Variants in HDAC9 observed in about 807,000 individuals in gnomAD.
HDAC9 encodes MEF-2 interacting transcription repressor (MITR) protein.
Under a neutral mutation model 139.4 loss-of-function variants are expected in HDAC9, and 41 were observed. The observed-to-expected ratio is 0.29, with a 90% CI of 0.23 to 0.38. The LOEUF (loss-of-function observed/expected upper bound fraction) is 0.38, where lower values mean the gene tolerates loss of function less well. Among genes scored for constraint, HDAC9 ranks in the 10% least tolerant of loss-of-function variants. HDAC9 has a pLI of 1.00. For missense variants in HDAC9, 1,147 were observed against 1,297.0 expected (o/e 0.88, Z 1.78); for synonymous variants, 517 against 476.2 (o/e 1.09, Z -1.12).
chr7:18,143,811 G>T (rs1284182017), intron 1 of HDAC9, among the ~76,000 whole-genome samples: 1 of 149,168 alleles, frequency 6.7e-6, no homozygotes, highest in Non-Finnish European at 1.5e-5. Flanking sequence ...AAAAAAGAGT[G>T]TCTCTTTTTA....
chr7:18,193,203 C>T (rs569560452), intron 2 of HDAC9, among the ~76,000 whole-genome samples: 7 of 152,182 alleles, frequency 4.6e-5, no homozygotes, highest in African/African-American at 1.7e-4. Flanking sequence ...GGGAAAAGAA[C>T]AGAATATTTA....
rs546997159 is a variant in HDAC9, at chr7:18,920,837, A to G, written c.2804-14972A>G. 3.9e-5 allele frequency among the ~76,000 whole-genome samples: 6 copies of G among 152,198 alleles called. No individual in the cohort carries two copies. The South Asian group carries it at 1.2e-3, about 32-fold the overall frequency. ...GTTGAACCAGCCTTGTATACCAGGGATGAAGCCCACTTGATCATGGTGGAT... is the reference window on the plus strand; with the variant it reads ...GTTGAACCAGCCTTGTATACCAGGGGTGAAGCCCACTTGATCATGGTGGAT... On this transcript the variant is annotated intron_variant, in intron 22 of 25. Coordinates refer to ENST00000686413, the MANE Select transcript of HDAC9 (RefSeq NM_178425.4).
chr7:18,532,423 C>A (rs1376519966), intron 2 of HDAC9, among the ~76,000 whole-genome samples: 1 of 152,112 alleles, frequency 6.6e-6, no homozygotes, highest in African/African-American at 2.4e-5. Flanking sequence ...TTTCTGGATA[C>A]AGGGATGGGA....
intron 12 of HDAC9, among the ~76,000 whole-genome samples, chr7:18,716,143 T>C (rs1162576921): frequency 6.6e-6 from 1 of 152,184 alleles, no homozygotes; most frequent in Non-Finnish European, 1.5e-5. Context: ...CAGGCTATTA[T>C]CTCTAGACCA....
chr7:18,599,796 A>G (rs1330691872), intron 6 of HDAC9, among the ~76,000 whole-genome samples: 1 of 152,124 alleles, frequency 6.6e-6, no homozygotes, highest in African/African-American at 2.4e-5. Context: ...CAATTGGGTA[A>G]ATACCTAGGA....
At chr7:18,850,913 C>G (rs920792110) in intron 21 of HDAC9, among the ~76,000 whole-genome samples, 5 of 152,166 alleles carry the variant, frequency 3.3e-5, no homozygotes, top group Admixed American at 6.5e-5. Flanking sequence ...CACAAGGGCA[C>G]TAATCCCGTT....
At chr7:18,623,419 T>G (rs1430071725) in intron 6 of HDAC9, among the ~76,000 whole-genome samples, 1 of 152,042 alleles carries the variant, frequency 6.6e-6, no homozygotes, top group African/African-American at 2.4e-5. Context: ...CATCTCTCTC[T>G]CTACTTATTT....
At chr7:18,268,085 G>A (rs1025718026) in intron 2 of HDAC9, among the ~76,000 whole-genome samples, 1 of 152,070 alleles carries the variant, frequency 6.6e-6, no homozygotes, top group African/African-American at 2.4e-5. Context: ...TGCCTTTCTT[G>A]ATCAATTAGT....
At position 18,771,441 on chromosome 7, in the gene HDAC9, C is replaced by T. The variant is rs114531891; in HGVS notation, c.2214+4286C>T. 1.5e-3 allele frequency among the ~76,000 whole-genome samples: 224 copies of T among 152,120 alleles called. 1 individual carries two copies. Among genetic ancestry groups the T allele is most frequent in the African/African-American group, 4.2e-3 (175 of 41,508 alleles). On this transcript the variant is annotated intron_variant, in intron 16 of 25. Transcript: ENST00000686413. ...AGTTGTATATCAACTATACTCACTA[C>T]GCGAGAGGCAGATTTGGATGAAATG...
chr7:18,741,048 GA>G (rs775926149), intron 13 of HDAC9, among the ~76,000 whole-genome samples: 1 of 152,178 alleles, frequency 6.6e-6, no homozygotes, highest in South Asian at 2.1e-4. Flanking sequence ...GAGGTTTAAG[GA>G]AAGAAGCCGT....
rs750517937 is a variant in HDAC9, at chr7:18,762,138, T to A, written c.2044-19T>A. 5 of 1,613,140 alleles carry A rather than the reference T, an allele frequency of 3.1e-6. No homozygotes were observed. The East Asian group carries it at 1.1e-4, about 36-fold the overall frequency. ...ATGTTGTCAGTGGTGTACTGTTGGC[T>A]TCTGCTATTTTCTTGCAGCGAATTC... On this transcript the variant is annotated intron_variant, in intron 14 of 25. Coordinates refer to ENST00000686413, the MANE Select transcript of HDAC9 (RefSeq NM_178425.4).
intron 2 of HDAC9, among the ~76,000 whole-genome samples, chr7:18,529,898 C>A (rs1249953815): frequency 1.3e-5 from 2 of 152,002 alleles, no homozygotes; most frequent in African/African-American, 4.8e-5. Flanking sequence ...TCTGCTTGTC[C>A]CATTACTTAT....
chr7:18,475,384 C>T (rs770712881), intron 1 of HDAC9, among the ~76,000 whole-genome samples: 1 of 152,138 alleles, frequency 6.6e-6, no homozygotes, highest in Non-Finnish European at 1.5e-5. Context: ...ATAGAGGGTG[C>T]CAAGCTTCTT....
intron 12 of HDAC9, among the ~76,000 whole-genome samples, chr7:18,727,083 A>T (rs1340085753): frequency 6.6e-6 from 1 of 152,236 alleles, no homozygotes; most frequent in Admixed American, 6.5e-5. Flanking sequence ...TCAAAATATA[A>T]TTGTGTAATT....
intron 17 of HDAC9, among the ~76,000 whole-genome samples, chr7:18,798,536 A>G (rs1304760958): frequency 6.6e-6 from 1 of 152,136 alleles, no homozygotes; most frequent in Non-Finnish European, 1.5e-5. Flanking sequence ...CCAACCTCTG[A>G]TGGGGAGATA....
rs6955566 is a variant in HDAC9 at position 18,637,118 on chromosome 7, A to G, written c.912+2376A>G. Among the ~76,000 whole-genome samples the G allele has an allele frequency of 5.4e-3, 815 of 152,244 alleles. 5 individuals carry two copies. The highest frequency in any genetic ancestry group is 0.018 in the African/African-American group (766 of 41,558). ...AACATGGGAGGATTTTATTAGGTTC[A>G]GAAATGGTAATACCATACTTTGATA... On this transcript the variant is annotated intron_variant, in intron 8 of 25. Transcript: ENST00000686413.
intron 2 of HDAC9, among the ~76,000 whole-genome samples, chr7:18,565,955 A>G (rs1342808016): frequency 1.3e-5 from 2 of 152,104 alleles, no homozygotes; most frequent in Non-Finnish European, 2.9e-5. Flanking sequence ...CTGTTGAATA[A>G]CCATCACATT....
chr7:18,476,228 A>T (rs1163171330), intron 1 of HDAC9, among the ~76,000 whole-genome samples: 2 of 152,186 alleles, frequency 1.3e-5, no homozygotes, highest in Non-Finnish European at 2.9e-5. Flanking sequence ...ATTAAGGATA[A>T]GTTCCCACAG....
intron 22 of HDAC9, among the ~76,000 whole-genome samples, chr7:18,906,029 TTCTC>T (rs527395966): frequency 3.3e-5 from 5 of 151,744 alleles, no homozygotes; most frequent in Admixed American, 1.3e-4. Context: ...TTTGCTTTCT[TTCTC>T]TCTCTCTTTT....
Sources: allele counts gnomAD v4.1 joint callset (sites outside exome capture counted in the v4.1 genomes callset), GRCh38; gene constraint gnomAD v4.1.1; transcripts MANE v1.5; gene names NCBI Gene and HGNC (gene_info 2026-07-23, HGNC 2026-07-21).